Variants in ACACA observed in about 807,000 individuals in gnomAD.
ACACA encodes the protein acetyl-CoA carboxylase 1.
Under a neutral mutation model 296.1 loss-of-function variants are expected in ACACA, and 103 were observed. The observed-to-expected ratio is 0.35, with a 90% confidence interval of 0.30 to 0.41. ACACA has a LOEUF of 0.41. Among genes scored for constraint, ACACA ranks in the 10% least tolerant of loss-of-function variants. The probability of loss-of-function intolerance (pLI) is 1.00; values close to 1 mark genes in which losing one functional copy is unlikely to be tolerated. For missense variants in ACACA, 1,554 were observed against 2,989.7 expected, an observed-to-expected ratio of 0.52 and a Z score of 11.20; for synonymous variants, 953 against 1,038.6, an observed-to-expected ratio of 0.92 and a Z score of 1.58.
intron 3 of ACACA, among the ~76,000 whole-genome samples, chr17:37,309,635 T>C (rs1185126873): frequency 6.6e-6 from 1 of 151,948 alleles, no homozygotes; most frequent in Non-Finnish European, 1.5e-5. Context: ...GGCCTTGAGA[T>C]AGGAAAAATA....
At chr17:37,401,002 T>C (rs2051265881) in intron 1 of ACACA, among the ~76,000 whole-genome samples, 1 of 152,166 alleles carries the variant, frequency 6.6e-6, no homozygotes, top group African/African-American at 2.4e-5. Flanking sequence ...TAATTTACAT[T>C]CCCACTGACA....
intron 1 of ACACA, among the ~76,000 whole-genome samples, chr17:37,352,811 CA>C (rs1307295038): frequency 1.3e-5 from 2 of 152,062 alleles, no homozygotes; most frequent in Non-Finnish European, 2.9e-5. Flanking sequence ...TGTGTTAAGG[CA>C]TTATACTTTA....
chr17:37,215,756 T>C (rs932832048), intron 29 of ACACA, among the ~76,000 whole-genome samples: 2 of 151,892 alleles, frequency 1.3e-5, no homozygotes, highest in Admixed American at 6.6e-5. Context: ...AGTTTCTGAA[T>C]AGGAAAAAAG....
intron 2 of ACACA, among the ~76,000 whole-genome samples, chr17:37,333,601 G>A (rs2047984001): frequency 1.3e-5 from 2 of 151,816 alleles, no homozygotes. Flanking sequence ...CTAACCAATG[G>A]AAATTACTTA....
chr17:37,283,450 A>C, intron 4 of ACACA, 45 bp from the exon 5 acceptor site: 3 of 1,607,538 alleles, frequency 1.9e-6, no homozygotes, highest in Non-Finnish European at 2.6e-6. Context: ...AGGCAGAAAA[A>C]AGCAACAATG....
intron 45 of ACACA, among the ~76,000 whole-genome samples, chr17:37,135,914 T>G (rs2143648475): frequency 7.0e-6 from 1 of 143,304 alleles, no homozygotes; most frequent in African/African-American, 2.7e-5. Context: ...CAGGAATTCT[T>G]TTTTTTTTTT....
chr17:37,393,804 C>A (rs922709755), intron 1 of ACACA, among the ~76,000 whole-genome samples: 1 of 148,844 alleles, frequency 6.7e-6, no homozygotes, highest in Admixed American at 6.8e-5. Context: ...GGTGACAGAG[C>A]GAGACTGTCT....
chr17:37,133,144 C>T (rs147186736), intron 45 of ACACA, among the ~76,000 whole-genome samples: 2 of 152,034 alleles, frequency 1.3e-5, no homozygotes, highest in Non-Finnish European at 2.9e-5. Context: ...AAGAGTATCC[C>T]AATATCACTC....
intron 39 of ACACA, among the ~76,000 whole-genome samples, chr17:37,184,971 C>A (rs73287966): frequency 0.01 from 1,586 of 152,008 alleles, 25 homozygotes; most frequent in African/African-American, 0.037. Context: ...AAGCTAGACA[C>A]AAAATAGTAC....
At chr17:37,332,757 C>T (rs971744037) in intron 2 of ACACA, among the ~76,000 whole-genome samples, 21 of 151,948 alleles carry the variant, frequency 1.4e-4, no homozygotes, top group African/African-American at 4.6e-4. Flanking sequence ...ACTAAAAATA[C>T]AAAAATTAGC....
chr17:37,144,312 C>T (rs773811912), intron 45 of ACACA: 10 of 550,970 alleles, frequency 1.8e-5, no homozygotes, highest in Non-Finnish European at 3.3e-5. Flanking sequence ...TTTTCCACAG[C>T]GAGGCACAGA....
intron 23 of ACACA, among the ~76,000 whole-genome samples, chr17:37,241,158 G>C (rs1204501990): frequency 3.3e-5 from 5 of 151,928 alleles, no homozygotes; most frequent in Non-Finnish European, 7.4e-5. Context: ...TTGTGCTACT[G>C]TACTACAACC....
intron 45 of ACACA, among the ~76,000 whole-genome samples, chr17:37,137,742 G>A (rs1027962177): frequency 7.9e-5 from 12 of 152,008 alleles, no homozygotes. Context: ...CTCCCTCCCT[G>A]TCAAAATTCT....
chr17:37,255,861 C>T (rs2146170609), intron 14 of ACACA, among the ~76,000 whole-genome samples: 1 of 152,236 alleles, frequency 6.6e-6, no homozygotes, highest in African/African-American at 2.4e-5. Flanking sequence ...ATTCTCCTGC[C>T]TCAGCTTCCC....
intron 1 of ACACA, chr17:37,386,262 A>G: frequency 1.6e-6 from 1 of 607,840 alleles, no homozygotes; most frequent in Non-Finnish European, 2.8e-6. Context: ...TACTGAATGT[A>G]CATTGAAAAA....
chr17:37,156,053 C>CTTTCT (rs2076232148), intron 42 of ACACA, among the ~76,000 whole-genome samples: 1 of 94,006 alleles, frequency 1.1e-5, no homozygotes, highest in Non-Finnish European at 1.9e-5. Context: ...TTCTTTCTTT[C>CTTTCT]TTTTTTTTTT....
At chr17:37,342,777 T>A (rs1254817823) in intron 1 of ACACA, among the ~76,000 whole-genome samples, 2 of 149,660 alleles carry the variant, frequency 1.3e-5, no homozygotes, top group African/African-American at 4.9e-5. Flanking sequence ...AAACCCCATC[T>A]CTACCAAAAA....
intron 3 of ACACA, among the ~76,000 whole-genome samples, chr17:37,303,401 G>A (rs1385413253): frequency 1.3e-5 from 2 of 152,122 alleles, no homozygotes; most frequent in Admixed American, 1.3e-4. Context: ...ATCAGTTAAT[G>A]GATATTGGGT....
At chr17:37,199,818 A>C (rs1005714279) in intron 35 of ACACA, among the ~76,000 whole-genome samples, 1 of 113,740 alleles carries the variant, frequency 8.8e-6, no homozygotes. Flanking sequence ...AGAATTCATT[A>C]TAGGGTTAAA....
Sources: gnomAD v4.1 joint callset for allele counts (sites outside exome capture counted in the v4.1 genomes callset) on GRCh38, gnomAD v4.1.1 for gene constraint, MANE v1.5 for transcripts, NCBI Gene and HGNC (gene_info 2026-07-23, HGNC 2026-07-21) for gene names.